Variants in GPR153 observed in about 807,000 individuals in gnomAD.
GPR153 encodes G protein-coupled receptor 153.
Under a neutral mutation model 34.1 loss-of-function variants are expected in GPR153, and 27 were observed. The observed-to-expected ratio is 0.79, with a 90% CI of 0.58 to 1.09. The LOEUF is 1.09. Among genes scored for constraint, GPR153 ranks in the 50% least tolerant of loss-of-function variants. The pLI is 0.00. For synonymous variants in GPR153, 408 were observed against 405.4 expected, an observed-to-expected ratio of 1.01 and a Z score of -0.08; for missense variants, 848 against 860.2, an observed-to-expected ratio of 0.99 and a Z score of 0.18.
Position 6,254,969 on chromosome 1 carries a change from C to A in GPR153, c.-64G>T. 1 of 1,293,906 alleles carries A rather than the reference C, an allele frequency of 7.7e-7. No individual in the cohort carries two copies. The highest frequency in any genetic ancestry group is 1.0e-6 in the Non-Finnish European group (1 of 955,400). 80.2% of individuals were successfully genotyped at this position (1,293,906 alleles called of 1,614,324 possible). On this transcript the variant is annotated 5_prime_UTR_variant, in exon 2 of 6. Transcript: ENST00000377893. Reference sequence around the variant, plus strand: ...CTTGGAGCCAGGTCTCAGGGAGCAGCAGCCCTCACTCCTGGTGGCTCAAGG... The same window carrying A: ...CTTGGAGCCAGGTCTCAGGGAGCAGAAGCCCTCACTCCTGGTGGCTCAAGG...
intron 3 of GPR153, among the ~76,000 whole-genome samples, chr1:6,252,013 G>A (rs1638459258): frequency 6.6e-6 from 1 of 152,170 alleles, no homozygotes; most frequent in African/African-American, 2.4e-5. Flanking sequence ...CAGGTCTCAA[G>A]CCTGTTCAAG....
Position 6,251,610 on chromosome 1 carries a change from T to G in GPR153, c.787-80A>C, listed in dbSNP as rs2100986587. The G allele has an allele frequency of 2.8e-6, 4 of 1,411,268 alleles. No individual in the cohort carries two copies. The allele number at this position is 1,411,268 out of a possible 1,614,324, so 87.4% of individuals were successfully genotyped here. A position where few individuals can be genotyped will look rare whatever the true frequency, so the allele number is the denominator to read the frequency against. On this transcript the variant is annotated intron_variant, in intron 3 of 5. Transcript: ENST00000377893. This position sits in a 1 kb window ranked among gnomAD's most constrained non-coding sequence, Gnocchi z 4.9. ...CTCCCCCTGAGTCTCGGTCTCCCCA[T>G]GTGTACGGCAGGTCTGACAGGTGGG...
intron 5 of GPR153, 37 bp from the exon 6 acceptor site, chr1:6,250,040 C>A: frequency 8.0e-7 from 1 of 1,257,640 alleles, no homozygotes; most frequent in South Asian, 3.8e-5. Flanking sequence ...CCGAGCTGCC[C>A]TCCTGGGAAA....
chr1:6,249,418 T>TGCTGCC lies in GPR153; in HGVS notation c.1744_1749dup (p.Gly582_Ser583dup), dbSNP rs902537668. The TGCTGCC allele has an allele frequency of 2.2e-6, 3 of 1,372,730 alleles. No homozygotes were observed. The highest frequency in any genetic ancestry group is 1.5e-5 in the African/African-American group (1 of 65,682). The allele number at this position is 1,372,730 out of a possible 1,614,324, so 85.0% of individuals were successfully genotyped here. On this transcript the variant is annotated inframe_insertion, in exon 6 of 6. Coordinates refer to ENST00000377893, the MANE Select transcript of GPR153 (RefSeq NM_207370.4). The surrounding 1 kb of genome is among the most constrained non-coding windows in gnomAD (Gnocchi z 4.3). ...GAGGGGGAACTCAGGAAGCTGCTGG[T>TGCTGCC]GCTGCCGCCGCCGCCCGCCGCGCGC...
chr1:6,256,379 T>TC lies in GPR153; in HGVS notation c.-109-1366_-109-1365insG, dbSNP rs572761315. On this transcript the variant is annotated intron_variant, in intron 1 of 5. Transcript: ENST00000377893. ...TATTTTTTAAATCTTTCTTTTCTTTTTTTTTTTTTTAGACAGAGTCTTGCT... is the reference window on the plus strand; with the variant it reads ...TATTTTTTAAATCTTTCTTTTCTTTTCTTTTTTTTTTAGACAGAGTCTTGCT... Among the ~76,000 whole-genome samples, 5 of 151,228 alleles carry TC rather than the reference T, an allele frequency of 3.3e-5. No homozygotes were observed. In the East Asian group the frequency reaches 7.7e-4, roughly 23 times the overall value.
At chr1:6,256,868 C>T (rs1314741602) in intron 1 of GPR153, among the ~76,000 whole-genome samples, 2 of 152,240 alleles carry the variant, frequency 1.3e-5, no homozygotes, top group Non-Finnish European at 2.9e-5. Context: ...CACAAATGCC[C>T]TAAGGCGGGG....
Position 6,251,341 on chromosome 1 carries a change from C to T in GPR153, c.976G>A (p.Asp326Asn), listed in dbSNP as rs145197773. ...ALMANDEESD[D>N]ETSLEGGISP... is the part of the protein sequence containing the mutation. The stretch of plus-strand genomic sequence containing the variant: ...GCCACTCTCAGGCCATCCTCACCAT[C>T]GTCTGACTCCTCGTCGTTGGCCATG... The change falls in exon 4 of 6, where the codon GAT becomes AAT. Residue 326 changes from aspartate (D) to asparagine (N), a missense_variant. Asp to Asn is a conservative substitution (Grantham distance 23). Transcript: ENST00000377893. This position sits in a 1 kb window ranked among gnomAD's most constrained non-coding sequence, Gnocchi z 4.9. 10 of 1,601,752 alleles carry T rather than the reference C, an allele frequency of 6.2e-6. No homozygotes were observed. The highest frequency in any genetic ancestry group is 2.2e-5 in the East Asian group (1 of 44,696).
rs1038029930 is a variant in GPR153, at chr1:6,251,349, T to G, written c.968A>C (p.Glu323Ala). 1 of 1,606,264 alleles carries G rather than the reference T, an allele frequency of 6.2e-7. No homozygotes were observed. ...KCMALMANDEESDDETSLEGG... is the reference protein window; with the variant it reads ...KCMALMANDEASDDETSLEGG... ...CAGGCCATCCTCACCATCGTCTGAC[T>G]CCTCGTCGTTGGCCATGAGGGCCAT... The change falls in exon 4 of 6, where the codon GAG (glutamate) becomes GCG (alanine). Residue 323 changes from glutamate to alanine, a missense_variant. By Grantham distance (107) the Glu-to-Ala change is moderately radical (BLOSUM62 -1). Coordinates refer to ENST00000377893, the MANE Select transcript of GPR153 (RefSeq NM_207370.4). The surrounding 1 kb of genome is among the most constrained non-coding windows in gnomAD (Gnocchi z 4.9).
rs548862065 is a variant in GPR153, at chr1:6,258,599, G to A, written c.-110+2226C>T. ...TGGGGTGCCTGGCAGCCTTTTGGGG[G>A]TTCAGAGCAGACAGAGTGTGAGTAA... On this transcript the variant is annotated intron_variant, in intron 1 of 5. Coordinates refer to ENST00000377893, the MANE Select transcript of GPR153 (RefSeq NM_207370.4). Among the ~76,000 whole-genome samples, 6 of 152,330 alleles carry A rather than the reference G, an allele frequency of 3.9e-5. No individual in the cohort carries two copies. The East Asian group carries it at 1.2e-3, about 29-fold the overall frequency.
Position 6,254,867 on chromosome 1 carries a change from GC to G in GPR153, c.38del (p.Gly13AlafsTer43). ...DERRLPGSAV[G>X]WLVCGGLSLL... ...GGGAGAGGCCCCCACATACCAGCCA[GC>G]CCACTGCACTGCCAGGCAGCCGCCG... On this transcript the variant is annotated frameshift_variant, in exon 2 of 6. Coordinates refer to ENST00000377893, the MANE Select transcript of GPR153 (RefSeq NM_207370.4). LOFTEE classifies it high-confidence loss of function. 1 of 1,594,602 alleles carries G rather than the reference GC, an allele frequency of 6.3e-7. No individual in the cohort carries two copies. Among genetic ancestry groups the G allele is most frequent in the Non-Finnish European group, 8.5e-7 (1 of 1,169,880 alleles).
intron 1 of GPR153, among the ~76,000 whole-genome samples, chr1:6,259,122 G>C (rs768354617): frequency 5.3e-5 from 8 of 152,216 alleles, no homozygotes; most frequent in East Asian, 1.9e-4. Flanking sequence ...TTGGCCAGGC[G>C]TAGTGGTGTG....
Position 6,249,516 on chromosome 1 carries a change from C to G in GPR153, c.1652G>C (p.Arg551Pro). 1.6e-6 allele frequency: 2 copies of G among 1,231,062 alleles called. No individual in the cohort carries two copies. The highest frequency in any genetic ancestry group is 2.0e-6 in the Non-Finnish European group (2 of 989,320). 76.3% of individuals were successfully genotyped at this position (1,231,062 alleles called of 1,614,324 possible). ...PSSAQRSPGPRPSAHSHAGSL... is the reference protein window; with the variant it reads ...PSSAQRSPGPPPSAHSHAGSL... The stretch of plus-strand genomic sequence containing the variant: ...GCCGGCGTGCGAGTGCGCAGAGGGG[C>G]GTGGCCCTGGGCTCCGCTGGGCGCT... The change falls in exon 6 of 6, where the codon CGC (arginine) becomes CCC (proline). Residue 551 changes from arginine to proline, a missense_variant. Coordinates refer to ENST00000377893, the MANE Select transcript of GPR153 (RefSeq NM_207370.4). The surrounding 1 kb of genome is among the most constrained non-coding windows in gnomAD (Gnocchi z 4.3).
At chr1:6,250,397 C>T in intron 5 of GPR153, 43 bp downstream of exon 5, 3 of 1,526,432 alleles carry the variant, frequency 2.0e-6, no homozygotes, top group Non-Finnish European at 1.8e-6. Flanking sequence ...TCAGGACACC[C>T]TGTCACCCGC....
chr1:6,250,086 T>A (rs1228756407), intron 5 of GPR153, 83 bp from the exon 6 acceptor site: 1 of 1,279,038 alleles, frequency 7.8e-7, no homozygotes, highest in East Asian at 3.1e-5. Context: ...GGGAAAGGCC[T>A]TCCGTGGGTC....
chr1:6,260,629 G>C (rs1351465848), intron 1 of GPR153, among the ~76,000 whole-genome samples, 196 bp downstream of exon 1: 2 of 151,966 alleles, frequency 1.3e-5, no homozygotes, highest in East Asian at 3.9e-4. Context: ...GCAGGGGGAC[G>C]GAGGGAGGGG....
At chr1:6,255,957 G>T (rs566891949) in intron 1 of GPR153, among the ~76,000 whole-genome samples, 1 of 152,028 alleles carries the variant, frequency 6.6e-6, no homozygotes, top group Non-Finnish European at 1.5e-5. Flanking sequence ...TGCCCTGCCT[G>T]GCTAATTTTA....
chr1:6,259,520 A>G (rs1638627372), intron 1 of GPR153, among the ~76,000 whole-genome samples: 1 of 148,000 alleles, frequency 6.8e-6, no homozygotes, highest in African/African-American at 2.5e-5. Context: ...TTGTCCCTAG[A>G]GCTGAGGTCT....
intron 3 of GPR153, among the ~76,000 whole-genome samples, chr1:6,253,101 G>A (rs767281383): frequency 5.3e-5 from 8 of 152,136 alleles, no homozygotes; most frequent in East Asian, 1.9e-4. Flanking sequence ...TGCATCAAAC[G>A]GCCCTTGAGG....
At chr1:6,250,149 G>A in intron 5 of GPR153, 146 bp from the exon 6 acceptor site, 1 of 1,363,100 alleles carries the variant, frequency 7.3e-7, no homozygotes. Context: ...GAGGTTTGGT[G>A]CAGTCTCTTC....
Sources: allele counts gnomAD v4.1 joint callset (sites outside exome capture counted in the v4.1 genomes callset), GRCh38; gene constraint gnomAD v4.1.1; non-coding constraint Gnocchi (gnomAD v3.1); transcripts MANE v1.5; gene names NCBI Gene and HGNC (gene_info 2026-07-23, HGNC 2026-07-21).